The following IL17RB variants were observed in gnomAD, a reference collection of about 807,000 sequenced individuals.
The protein encoded by IL17RB is interleukin 17 receptor B.
A neutral mutation model predicts 43.9 loss-of-function variants in IL17RB; 36 were observed. That is an observed-to-expected ratio of 0.82 (90% CI 0.63 to 1.08). The LOEUF is 1.08. Ranked by LOEUF, IL17RB falls within the 50% of genes least tolerant of loss-of-function variation. The pLI is 0.00. For synonymous variants in IL17RB, 225 were observed against 225.4 expected (o/e 1.00, Z 0.02); for missense variants, 613 against 613.6 (o/e 1.00, Z 0.01).
At chr3:53,862,896 A>C (rs1265439510) in intron 10 of IL17RB, among the ~76,000 whole-genome samples, 1 of 152,160 alleles carries the variant, frequency 6.6e-6, no homozygotes, top group Non-Finnish European at 1.5e-5. Flanking sequence ...CTTTCTGTAA[A>C]GTTACACTGA....
At chr3:53,849,552 A>C in intron 2 of IL17RB, 103 bp from the exon 3 acceptor site, 3 of 1,037,364 alleles carry the variant, frequency 2.9e-6, no homozygotes, top group Non-Finnish European at 4.0e-6. Context: ...GAAGTGAGGA[A>C]TTGTGAATGG....
Position 53,861,356 on chromosome 3 carries a change from G to T in IL17RB, c.946+1128G>T, listed in dbSNP as rs1375842887. 2.0e-5 allele frequency: 3 copies of T among 151,854 alleles called. No homozygotes were observed. In the East Asian group the frequency reaches 5.8e-4, roughly 29 times the overall value. 9.4% of individuals were successfully genotyped at this position (151,854 alleles called of 1,614,324 possible). A position where few individuals can be genotyped will look rare whatever the true frequency, so the allele number is the denominator to read the frequency against. On this transcript the variant is annotated intron_variant, in intron 10 of 10. Transcript: ENST00000288167. Reference sequence around the variant, plus strand: ...GCTTGATATGTACCATAAATTGAGGGTCTGCAGCTGTGATTGTTCACCATT... The same window carrying T: ...GCTTGATATGTACCATAAATTGAGGTTCTGCAGCTGTGATTGTTCACCATT...
chr3:53,857,453 A>G (rs568571114), intron 7 of IL17RB, among the ~76,000 whole-genome samples, 163 bp from the exon 8 acceptor site: 8 of 152,166 alleles, frequency 5.3e-5, no homozygotes, highest in African/African-American at 1.9e-4. Flanking sequence ...TGCCGAGCTA[A>G]TTTTTTCATC....
In IL17RB at chr3:53,857,548, G is replaced by C. The variant is rs1699385956; in HGVS notation, c.673-68G>C. 7.8e-6 allele frequency: 11 copies of C among 1,412,014 alleles called. No homozygotes were observed. The South Asian group carries it at 1.2e-4, about 15-fold the overall frequency. The allele number at this position is 1,412,014 out of a possible 1,614,324, so 87.5% of individuals were successfully genotyped here. Reference sequence around the variant, plus strand: ...CATCTGCCTGCCTTGGCCTCCCAAAGTGTTGGGATTACAGGGGTGAGCCAG... The same window carrying C: ...CATCTGCCTGCCTTGGCCTCCCAAACTGTTGGGATTACAGGGGTGAGCCAG... On this transcript the variant is annotated intron_variant, in intron 7 of 10. Coordinates refer to ENST00000288167, the MANE Select transcript of IL17RB (RefSeq NM_018725.4).
In IL17RB at chr3:53,865,107, C is replaced by T. The variant is rs943395873; in HGVS notation, c.1308C>T (p.Ser436=). Residue 436 remains serine (S), a synonymous_variant, in exon 11 of 11, where the codon AGC becomes AGT. Coordinates refer to ENST00000288167, the MANE Select transcript of IL17RB (RefSeq NM_018725.4). The part of the protein sequence containing the change: ...AFNLFCSDLR[S]QIHLHKYVVV... ...ACCTTTTCTGCAGTGATCTAAGAAG[C>T]CAGATTCATCTGCACAAATACGTGG... is the stretch of plus-strand genomic sequence containing the variant. 6.2e-7 allele frequency: 1 copy of T among 1,614,146 alleles called. No homozygotes were observed. Among genetic ancestry groups the T allele is most frequent in the Non-Finnish European group, 8.5e-7 (1 of 1,179,994 alleles).
intron 2 of IL17RB, 87 bp from the exon 3 acceptor site, chr3:53,849,568 G>A (rs927991006): frequency 9.9e-6 from 12 of 1,206,098 alleles, no homozygotes; most frequent in Non-Finnish European, 1.3e-5. Context: ...AATGGGGGAA[G>A]GTTTGGTGTG....
At chr3:53,859,862 A>G (rs879025824) in intron 9 of IL17RB, 1 of 322,926 alleles carries the variant, frequency 3.1e-6, no homozygotes, top group Non-Finnish European at 5.8e-6. Flanking sequence ...AATCTCTACA[A>G]AGTGGCTGGG....
chr3:53,856,846 A>G lies in IL17RB; in HGVS notation c.532A>G (p.Ser178Gly), dbSNP rs1239165687. The G allele has an allele frequency of 6.2e-7, 1 of 1,614,118 alleles. No individual in the cohort carries two copies. Among genetic ancestry groups the G allele is most frequent in the Admixed American group, 1.7e-5 (1 of 60,022 alleles). Residue 178 changes from serine (S) to glycine (G), a missense_variant and splice_region_variant, in exon 7 of 11, where the codon AGC (serine) becomes GGC (glycine). Transcript: ENST00000288167. ...KYKKKCVKAGSLWDPNITACK... is the reference protein window; with the variant it reads ...KYKKKCVKAGGLWDPNITACK... ...CATGGTTCTCTCTCAACTCACAGGA[A>G]GCCTGTGGGATCCGAACATCACTGC...
intron 2 of IL17RB, 129 bp downstream of exon 2, chr3:53,848,817 T>C: frequency 1.0e-6 from 1 of 980,498 alleles, no homozygotes; most frequent in Non-Finnish European, 1.6e-6. Flanking sequence ...TATTGGCTGA[T>C]GCAGATGAAG....
At chr3:53,847,579 A>G (rs991283659) in intron 1 of IL17RB, among the ~76,000 whole-genome samples, 3 of 151,912 alleles carry the variant, frequency 2.0e-5, no homozygotes. Context: ...GGATTGCCTG[A>G]GGTCAGGAGT....
chr3:53,862,676 G>A (rs1699607694), intron 10 of IL17RB, among the ~76,000 whole-genome samples: 1 of 152,198 alleles, frequency 6.6e-6, no homozygotes, highest in Admixed American at 6.5e-5. Flanking sequence ...TGATGAAGAC[G>A]ACACAGAAGC....
chr3:53,859,935 G>A (rs1029783461), intron 9 of IL17RB, 195 bp from the exon 10 acceptor site: 5 of 462,516 alleles, frequency 1.1e-5, no homozygotes, highest in Non-Finnish European at 1.6e-5. Flanking sequence ...GCTTGAACCC[G>A]GGAGACGGAG....
At position 53,865,092 on chromosome 3, in the gene IL17RB, C is replaced by T; in HGVS notation, c.1293C>T (p.Cys431=). 6.2e-7 allele frequency: 1 copy of T among 1,614,120 alleles called. No homozygotes were observed. The highest frequency in any genetic ancestry group is 8.5e-7 in the Non-Finnish European group (1 of 1,179,952). The part of the protein sequence containing the change: ...DLFPLAFNLF[C]SDLRSQIHLH... ...TCCCCCTTGCCTTTAACCTTTTCTG[C>T]AGTGATCTAAGAAGCCAGATTCATC... The change falls in exon 11 of 11, where the codon TGC becomes TGT. Residue 431 remains cysteine (C), a synonymous_variant. Coordinates refer to ENST00000288167, the MANE Select transcript of IL17RB (RefSeq NM_018725.4).
At chr3:53,857,525 T>G (rs924902650) in intron 7 of IL17RB, 91 bp from the exon 8 acceptor site, 1 of 1,116,372 alleles carries the variant, frequency 9.0e-7, no homozygotes, top group African/African-American at 1.5e-5. Context: ...GCTCAAGCCA[T>G]CTGCCTGCCT....
chr3:53,848,295 C>T (rs1481625849), intron 1 of IL17RB, among the ~76,000 whole-genome samples: 2 of 152,194 alleles, frequency 1.3e-5, no homozygotes, highest in Admixed American at 1.3e-4. Flanking sequence ...TACTCTAGGC[C>T]GTCCTAAAAA....
At chr3:53,852,389 C>T (rs1699184140) in intron 4 of IL17RB, among the ~76,000 whole-genome samples, 1 of 152,184 alleles carries the variant, frequency 6.6e-6, no homozygotes, top group African/African-American at 2.4e-5. Flanking sequence ...CCTGCCTCAG[C>T]TTCCCAAAGT....
At position 53,850,499 on chromosome 3, in the gene IL17RB, CA is replaced by C. The variant is rs57986255; in HGVS notation, c.226+720del. ...TGGGCAACAGAGTGAAACTCCGTCT[CA>C]AAAAAAAAAAAAAAAGCAAAAGACC... On this transcript the variant is annotated intron_variant, in intron 3 of 10. Coordinates refer to ENST00000288167, the MANE Select transcript of IL17RB (RefSeq NM_018725.4). 9.6e-3 allele frequency among the ~76,000 whole-genome samples: 785 copies of C among 81,810 alleles called. 7 individuals carry two copies. The highest frequency in any genetic ancestry group is 0.026 in the African/African-American group (558 of 21,162). 53.7% of individuals were successfully genotyped at this position (81,810 alleles called of 152,430 possible).
rs368914735 is a variant in IL17RB, at chr3:53,864,711, G to A, written c.947-35G>A. ...ACAGAGTGAAAGCCTGCTGTTTGCTGTTCACAGATAACAAATGCTTTTCTC... is the reference window on the plus strand; with the variant it reads ...ACAGAGTGAAAGCCTGCTGTTTGCTATTCACAGATAACAAATGCTTTTCTC... On this transcript the variant is annotated intron_variant, in intron 10 of 10. Coordinates refer to ENST00000288167, the MANE Select transcript of IL17RB (RefSeq NM_018725.4). 917 of 1,478,180 alleles carry A rather than the reference G, an allele frequency of 6.2e-4. 6 individuals carry two copies. Among genetic ancestry groups the A allele is most frequent in the South Asian group, 5.4e-3 (441 of 81,468 alleles). 91.6% of individuals were successfully genotyped at this position (1,478,180 alleles called of 1,614,324 possible).
chr3:53,850,818 AAT>A (rs1699114365), intron 3 of IL17RB, among the ~76,000 whole-genome samples: 1 of 152,096 alleles, frequency 6.6e-6, no homozygotes, highest in South Asian at 2.1e-4. Context: ...AATAAAATAA[AAT>A]AAAATAAAAG....
Sources: allele counts gnomAD v4.1 joint callset (sites outside exome capture counted in the v4.1 genomes callset), GRCh38; gene constraint gnomAD v4.1.1; transcripts MANE v1.5; gene names NCBI Gene and HGNC (gene_info 2026-07-23, HGNC 2026-07-21).